HDAC9: variants seen among roughly 807,000 people sequenced by gnomAD.
HDAC9 encodes histone deacetylase 9.
HDAC9 carries 41 observed loss-of-function variants against 139.4 expected under a neutral mutation model. The ratio of observed to expected loss-of-function variants is 0.29; its 90% CI spans 0.23 to 0.38. The LOEUF is 0.38. Ranked by LOEUF, HDAC9 falls within the 10% of genes least tolerant of loss-of-function variation. The pLI, the probability that HDAC9 is intolerant of heterozygous loss-of-function variation, is 1.00. For missense variants in HDAC9, 1,147 were observed against 1,297.0 expected, an observed-to-expected ratio of 0.88 and a Z score of 1.78; for synonymous variants, 517 against 476.2, an observed-to-expected ratio of 1.09 and a Z score of -1.12.
intron 2 of HDAC9, among the ~76,000 whole-genome samples, chr7:18,193,469 G>A (rs981078276): frequency 6.6e-6 from 1 of 152,158 alleles, no homozygotes; most frequent in Non-Finnish European, 1.5e-5. Flanking sequence ...TGTACAGGGA[G>A]ATTTACTGAA....
intron 2 of HDAC9, among the ~76,000 whole-genome samples, chr7:18,216,773 T>A (rs1792345083): frequency 6.6e-6 from 1 of 152,186 alleles, no homozygotes; most frequent in Admixed American, 6.5e-5. Flanking sequence ...ATATTTGTGA[T>A]ACTGAATGAT....
At chr7:18,551,300 T>G (rs1234724269) in intron 2 of HDAC9, among the ~76,000 whole-genome samples, 2 of 152,056 alleles carry the variant, frequency 1.3e-5, no homozygotes, top group Non-Finnish European at 2.9e-5. Flanking sequence ...TGTAGGCAGG[T>G]GGGTATATGA....
chr7:18,451,384 T>TGA (rs1792817927), intron 1 of HDAC9, among the ~76,000 whole-genome samples: 2 of 135,832 alleles, frequency 1.5e-5, no homozygotes, highest in South Asian at 5.4e-4. Flanking sequence ...TGTGTGTGTG[T>TGA]GTGTGTGTGT....
intron 14 of HDAC9, among the ~76,000 whole-genome samples, chr7:18,755,046 T>A (rs899139716): frequency 1.1e-4 from 16 of 151,984 alleles, no homozygotes; most frequent in East Asian, 1.9e-4. Flanking sequence ...CAAAAAAAAA[T>A]TTTATGTGTT....
At chr7:18,728,246 A>G (rs1785718280) in intron 13 of HDAC9, among the ~76,000 whole-genome samples, 1 of 151,968 alleles carries the variant, frequency 6.6e-6, no homozygotes, top group Non-Finnish European at 1.5e-5. Flanking sequence ...ACTTGATTCT[A>G]TGTATGTTAC....
chr7:18,968,605 G>A (rs1046330805), intron 24 of HDAC9, among the ~76,000 whole-genome samples: 5 of 152,112 alleles, frequency 3.3e-5, no homozygotes, highest in African/African-American at 1.2e-4. Flanking sequence ...GCATAGAGAA[G>A]AAGAACCCAA....
intron 24 of HDAC9, among the ~76,000 whole-genome samples, chr7:18,961,054 T>C (rs1040958543): frequency 5.9e-5 from 9 of 152,208 alleles, no homozygotes; most frequent in African/African-American, 2.2e-4. Context: ...TTTTTCCTCT[T>C]TCTTTTTGTC....
intron 2 of HDAC9, among the ~76,000 whole-genome samples, chr7:18,255,719 C>G (rs1009674347): frequency 1.3e-5 from 2 of 149,844 alleles, no homozygotes; most frequent in Non-Finnish European, 3.0e-5. Context: ...CCCTCTGCCT[C>G]CAGGTTTCAA....
upstream of HDAC9, among the ~76,000 whole-genome samples, chr7:18,288,862 G>A (rs1433410897): frequency 6.6e-6 from 1 of 152,298 alleles, no homozygotes; most frequent in East Asian, 1.9e-4. Context: ...GGGCAAGTAG[G>A]TGTGTTTGAA....
intron 2 of HDAC9, among the ~76,000 whole-genome samples, chr7:18,204,787 A>G (rs1791378918): frequency 6.6e-6 from 1 of 152,030 alleles, no homozygotes; most frequent in South Asian, 2.1e-4. Flanking sequence ...GTAACATACA[A>G]ATCAACATTT....
At chr7:18,265,971 G>A (rs1326681846) in intron 2 of HDAC9, among the ~76,000 whole-genome samples, 1 of 152,074 alleles carries the variant, frequency 6.6e-6, no homozygotes, top group African/African-American at 2.4e-5. Context: ...AAGGTTGGTC[G>A]CAATGTAGAA....
intron 12 of HDAC9, among the ~76,000 whole-genome samples, chr7:18,677,029 T>C (rs1584818913): frequency 6.6e-6 from 1 of 151,944 alleles, no homozygotes; most frequent in Non-Finnish European, 1.5e-5. Flanking sequence ...TATATATACA[T>C]AGAGTTTAAT....
intron 2 of HDAC9, among the ~76,000 whole-genome samples, chr7:18,280,552 C>T (rs1430111989): frequency 2.0e-5 from 3 of 151,020 alleles, no homozygotes; most frequent in African/African-American, 4.9e-5. Context: ...CGCTCCATTG[C>T]ACTCCAGCCT....
intron 2 of HDAC9, among the ~76,000 whole-genome samples, chr7:18,202,526 G>A (rs1791209046): frequency 6.6e-6 from 1 of 152,052 alleles, no homozygotes; most frequent in South Asian, 2.1e-4. Flanking sequence ...ATGCTTGCAG[G>A]TTTCACTTCC....
At chr7:18,391,210 C>T (rs937669083) in intron 1 of HDAC9, among the ~76,000 whole-genome samples, 6 of 150,874 alleles carry the variant, frequency 4.0e-5, no homozygotes, top group African/African-American at 1.5e-4. Flanking sequence ...CATGGTGAAA[C>T]CCCGTCTCTA....
At chr7:18,455,307 G>T (rs1211212948) in intron 1 of HDAC9, among the ~76,000 whole-genome samples, 1 of 152,008 alleles carries the variant, frequency 6.6e-6, no homozygotes, top group Non-Finnish European at 1.5e-5. Flanking sequence ...CAAACCCAAA[G>T]AATCCTGTAA....
chr7:18,520,507 T>C (rs566805173), intron 2 of HDAC9, among the ~76,000 whole-genome samples: 39 of 152,314 alleles, frequency 2.6e-4, no homozygotes, highest in African/African-American at 9.1e-4. Flanking sequence ...TGATGAACCA[T>C]GTAGACATAT....
At chr7:18,710,935 G>GA (rs1389106163) in intron 12 of HDAC9, among the ~76,000 whole-genome samples, 1 of 152,098 alleles carries the variant, frequency 6.6e-6, no homozygotes, top group African/African-American at 2.4e-5. Context: ...AGTCACAAAG[G>GA]ATATCATACA....
At chr7:18,387,348 C>A (rs1786036068) in intron 1 of HDAC9, among the ~76,000 whole-genome samples, 1 of 152,188 alleles carries the variant, frequency 6.6e-6, no homozygotes, top group Non-Finnish European at 1.5e-5. Context: ...ATGCTGGATT[C>A]ATAATCCTGC....
Sources: gnomAD v4.1 joint callset for allele counts (sites outside exome capture counted in the v4.1 genomes callset) on GRCh38, gnomAD v4.1.1 for gene constraint, MANE v1.5 for transcripts, NCBI Gene and HGNC (gene_info 2026-07-23, HGNC 2026-07-21) for gene names.